PDE11A: variants seen among roughly 807,000 people sequenced by gnomAD.
PDE11A encodes phosphodiesterase 11A.
A neutral mutation model predicts 100.5 loss-of-function variants in PDE11A; 100 were observed. The ratio of observed to expected loss-of-function variants is 1.00; its 90% CI spans 0.85 to 1.18. The LOEUF is 1.18. Ranked by LOEUF, PDE11A falls within the 50% of genes most tolerant of loss-of-function variation. The probability of loss-of-function intolerance (pLI) is 0.00; values close to 1 mark genes in which losing one functional copy is unlikely to be tolerated. For synonymous variants in PDE11A, 381 were observed against 420.8 expected (o/e 0.91, Z 1.16); for missense variants, 1,141 against 1,152.6 (o/e 0.99, Z 0.15).
At chr2:177,845,591 T>A (rs969919200) in intron 5 of PDE11A, among the ~76,000 whole-genome samples, 2 of 148,540 alleles carry the variant, frequency 1.3e-5, no homozygotes, top group African/African-American at 5.0e-5. Flanking sequence ...AGACGATGGG[T>A]GGCTGGGCAG....
At chr2:177,966,377 T>TC (rs1012764647) in intron 2 of PDE11A, among the ~76,000 whole-genome samples, 2 of 152,156 alleles carry the variant, frequency 1.3e-5, no homozygotes, top group Non-Finnish European at 2.9e-5. Flanking sequence ...CTTCCAGTAC[T>TC]ATGATGAATA....
At chr2:177,724,946 G>GTTTCT (rs780455868) in intron 12 of PDE11A, among the ~76,000 whole-genome samples, 4 of 151,982 alleles carry the variant, frequency 2.6e-5, no homozygotes, top group African/African-American at 7.2e-5. Flanking sequence ...TACATGGTGA[G>GTTTCT]TTTCTTTTCT....
intron 2 of PDE11A, among the ~76,000 whole-genome samples, chr2:177,996,740 G>GAAAACA (rs1307929292): frequency 6.6e-6 from 1 of 152,072 alleles, no homozygotes; most frequent in Non-Finnish European, 1.5e-5. Context: ...ATTAAACAAT[G>GAAAACA]AAAACAAAAT....
At chr2:177,734,624 C>A (rs1385905843) in intron 10 of PDE11A, among the ~76,000 whole-genome samples, 3 of 152,174 alleles carry the variant, frequency 2.0e-5, no homozygotes, top group African/African-American at 4.8e-5. Context: ...TCTCATCCTA[C>A]CTTTAACACT....
chr2:178,050,105 G>C (rs1371698786), intron 1 of PDE11A, among the ~76,000 whole-genome samples: 1 of 152,112 alleles, frequency 6.6e-6, no homozygotes, highest in South Asian at 2.1e-4. Flanking sequence ...CTCCCAGTAG[G>C]GGCAGACTGA....
intron 9 of PDE11A, among the ~76,000 whole-genome samples, chr2:177,771,944 G>A (rs1334194595): frequency 6.6e-6 from 1 of 152,102 alleles, no homozygotes; most frequent in Non-Finnish European, 1.5e-5. Context: ...GGAGGTTGCA[G>A]TGAGCCGAGA....
chr2:177,755,596 GAC>G (rs1191374713), intron 10 of PDE11A, among the ~76,000 whole-genome samples: 2 of 152,168 alleles, frequency 1.3e-5, no homozygotes, highest in African/African-American at 4.8e-5. Context: ...TTTTCCAACT[GAC>G]ACACTTTCCT....
intron 15 of PDE11A, among the ~76,000 whole-genome samples, chr2:177,694,267 TA>T (rs1456359978): frequency 6.6e-6 from 1 of 152,214 alleles, no homozygotes; most frequent in South Asian, 2.1e-4. Flanking sequence ...TGAGTGTTGA[TA>T]TTTTTTTTTC....
In PDE11A at chr2:178,072,595, C is replaced by T. The variant is rs2087152197; in HGVS notation, c.-158G>A. 2 of 1,513,942 alleles carry T rather than the reference C, an allele frequency of 1.3e-6. No individual in the cohort carries two copies. Among genetic ancestry groups the T allele is most frequent in the Admixed American group, 2.0e-5 (1 of 50,036 alleles). The allele number at this position is 1,513,942 out of a possible 1,614,324, so 93.8% of individuals were successfully genotyped here. Reference sequence around the variant, plus strand: ...TCCCAGCAGTGGAATCTGGGAGATGCCCCTTCCTTCTCTGGCTCAGAGTGG... The same window carrying T: ...TCCCAGCAGTGGAATCTGGGAGATGTCCCTTCCTTCTCTGGCTCAGAGTGG... On this transcript the variant is annotated 5_prime_UTR_variant, in exon 1 of 20. Transcript: ENST00000286063.
chr2:177,844,493 C>G (rs1029341728), intron 5 of PDE11A, among the ~76,000 whole-genome samples: 2 of 151,192 alleles, frequency 1.3e-5, no homozygotes, highest in Non-Finnish European at 2.9e-5. Flanking sequence ...TTCTGGCTTA[C>G]GCACCAGCTC....
intron 6 of PDE11A, among the ~76,000 whole-genome samples, chr2:177,832,791 T>C (rs141012792): frequency 6.6e-6 from 1 of 152,168 alleles, no homozygotes; most frequent in East Asian, 1.9e-4. Context: ...ACAACTCCAG[T>C]AAACACACTA....
At chr2:177,944,720 G>T (rs1269192538) in intron 2 of PDE11A, among the ~76,000 whole-genome samples, 1 of 152,060 alleles carries the variant, frequency 6.6e-6, no homozygotes, top group Admixed American at 6.6e-5. Flanking sequence ...AGAGACCGCC[G>T]AGGTGCGGGC....
rs142617313 is a variant in PDE11A, at chr2:177,784,572, C to A, written c.1738-15199G>T. 6.9e-3 allele frequency among the ~76,000 whole-genome samples: 1,051 copies of A among 152,286 alleles called. 10 individuals are homozygous for A. The highest frequency in any genetic ancestry group is 0.023 in the African/African-American group (953 of 41,554). Reference sequence around the variant, plus strand: ...TGCTGCTATCTGCCTATGGGGTAGCCACCCTTTTATTCCTTTAGTTAATAA... The same window carrying A: ...TGCTGCTATCTGCCTATGGGGTAGCAACCCTTTTATTCCTTTAGTTAATAA... On this transcript the variant is annotated intron_variant, in intron 9 of 19. Coordinates refer to ENST00000286063, the MANE Select transcript of PDE11A (RefSeq NM_016953.4).
intron 1 of PDE11A, among the ~76,000 whole-genome samples, chr2:178,068,719 T>C (rs1432704402): frequency 1.3e-5 from 2 of 152,136 alleles, no homozygotes; most frequent in East Asian, 3.9e-4. Flanking sequence ...TCGGTTTTCA[T>C]TAAGAGAAAT....
intron 9 of PDE11A, among the ~76,000 whole-genome samples, chr2:177,810,326 A>T (rs1049024983): frequency 2.0e-5 from 3 of 152,244 alleles, no homozygotes; most frequent in African/African-American, 7.2e-5. Flanking sequence ...TGAAAAGAAT[A>T]AAAGCTAGAT....
chr2:177,707,283 A>G (rs1278466644), intron 13 of PDE11A, among the ~76,000 whole-genome samples: 1 of 152,206 alleles, frequency 6.6e-6, no homozygotes, highest in Non-Finnish European at 1.5e-5. Flanking sequence ...AGTAAACAAT[A>G]AATAAACTGT....
At chr2:177,762,834 A>G (rs376874251) in intron 10 of PDE11A, among the ~76,000 whole-genome samples, 2 of 152,176 alleles carry the variant, frequency 1.3e-5, no homozygotes, top group African/African-American at 4.8e-5. Context: ...AGGGGAGGTC[A>G]GGGTCACCAC....
At chr2:177,973,207 T>C (rs1273708335) in intron 2 of PDE11A, among the ~76,000 whole-genome samples, 1 of 139,088 alleles carries the variant, frequency 7.2e-6, no homozygotes, top group Admixed American at 7.2e-5. Flanking sequence ...TGCCAGACAG[T>C]GGGCGCAGGC....
intron 10 of PDE11A, among the ~76,000 whole-genome samples, chr2:177,768,535 G>T (rs2082268671): frequency 6.6e-6 from 1 of 152,152 alleles, no homozygotes; most frequent in South Asian, 2.1e-4. Context: ...CTTTCAAAAG[G>T]AAAGGAAATC....
Sources: allele counts gnomAD v4.1 joint callset (sites outside exome capture counted in the v4.1 genomes callset), GRCh38; gene constraint gnomAD v4.1.1; transcripts MANE v1.5; gene names NCBI Gene and HGNC (gene_info 2026-07-23, HGNC 2026-07-21).